CNTN3: variants seen among roughly 807,000 people sequenced by gnomAD.
The protein encoded by CNTN3 is contactin-3.
In CNTN3, 60 loss-of-function variants were observed where a neutral mutation model predicts 119.1. The observed-to-expected ratio is 0.50, with a 90% CI of 0.41 to 0.62. CNTN3 has a LOEUF of 0.62. CNTN3 is among the 20% of genes least tolerant of loss of function. The pLI is 0.00. For synonymous variants in CNTN3, 450 were observed against 438.7 expected, an observed-to-expected ratio of 1.03 and a Z score of -0.32; for missense variants, 1,101 against 1,242.4, an observed-to-expected ratio of 0.89 and a Z score of 1.71.
intron 5 of CNTN3, among the ~76,000 whole-genome samples, chr3:74,401,770 T>G (rs954534944): frequency 2.6e-5 from 4 of 152,170 alleles, no homozygotes; most frequent in African/African-American, 9.6e-5. Flanking sequence ...TTTTGATAAC[T>G]GCTCCCCAGT....
intron 13 of CNTN3, among the ~76,000 whole-genome samples, chr3:74,315,769 T>A (rs1480682486): frequency 6.6e-6 from 1 of 152,148 alleles, no homozygotes; most frequent in East Asian, 1.9e-4. Flanking sequence ...TGCAGAAGAA[T>A]GAAGCTGGAC....
chr3:74,327,883 T>C (rs1703169137), intron 13 of CNTN3, among the ~76,000 whole-genome samples: 1 of 151,796 alleles, frequency 6.6e-6, no homozygotes, highest in Non-Finnish European at 1.5e-5. Flanking sequence ...GAATCTTTTG[T>C]GTTTTTACAT....
In CNTN3 at chr3:74,510,284, G is replaced by A. The variant is rs771303039; in HGVS notation, c.56-10499C>T. On this transcript the variant is annotated intron_variant, in intron 2 of 22. Transcript: ENST00000263665. Reference sequence around the variant, plus strand: ...TTATATAAAAATATGAACATATAACGGAAGCGAATTCAGTGAATGTGTCTA... The same window carrying A: ...TTATATAAAAATATGAACATATAACAGAAGCGAATTCAGTGAATGTGTCTA... Among the ~76,000 whole-genome samples, 36 of 151,922 alleles carry A rather than the reference G, an allele frequency of 2.4e-4. 1 individual carries two copies. The highest frequency in any genetic ancestry group is 3.8e-4 in the Non-Finnish European group (26 of 67,988).
intron 4 of CNTN3, among the ~76,000 whole-genome samples, chr3:74,457,971 A>G (rs1470818288): frequency 6.6e-6 from 1 of 152,016 alleles, no homozygotes; most frequent in African/African-American, 2.4e-5. Context: ...CCCTGGCTTG[A>G]CCATACAATT....
intron 1 of CNTN3, among the ~76,000 whole-genome samples, chr3:74,607,224 T>A (rs1232323839): frequency 2.6e-5 from 4 of 152,136 alleles, no homozygotes; most frequent in African/African-American, 9.7e-5. Context: ...ATTCCAGAGC[T>A]TTCAGAATAT....
rs752936529 is a variant in CNTN3 at position 74,371,363 on chromosome 3, G to A, written c.491C>T (p.Ser164Leu). ...TCTCCGACTATCTTCTTCAACAAAC[G>A]ATGGGTATTCATTGAAGATCCAAGC... ...SYAWIFNEYP[S>L]FVEEDSRRFV... Residue 164 changes from serine to leucine, a missense_variant, in exon 6 of 23, where the codon TCG becomes TTG. Physicochemically the swap from Ser to Leu is moderately radical, Grantham distance 145. Transcript: ENST00000263665. 8 of 1,613,132 alleles carry A rather than the reference G, an allele frequency of 5.0e-6. No individual in the cohort carries two copies. Among genetic ancestry groups the A allele is most frequent in the African/African-American group, 1.3e-5 (1 of 74,854 alleles).
chr3:74,453,234 T>G (rs1166393708), intron 4 of CNTN3, among the ~76,000 whole-genome samples: 1 of 115,816 alleles, frequency 8.6e-6, no homozygotes, highest in Non-Finnish European at 2.0e-5. Flanking sequence ...TTCTTCCTGG[T>G]TTAGTCTTGG....
intron 8 of CNTN3, among the ~76,000 whole-genome samples, chr3:74,367,698 C>T (rs1575664612): frequency 6.6e-6 from 1 of 151,780 alleles, no homozygotes; most frequent in Non-Finnish European, 1.5e-5. Context: ...GAAACTGGGT[C>T]GTGGCCTGAT....
intron 1 of CNTN3, among the ~76,000 whole-genome samples, chr3:74,539,440 C>A (rs971396077): frequency 7.1e-4 from 108 of 152,034 alleles, no homozygotes; most frequent in Non-Finnish European, 7.1e-4. Flanking sequence ...GAAACTAAGG[C>A]TTAGGGCAAT....
intron 17 of CNTN3, among the ~76,000 whole-genome samples, chr3:74,298,770 G>A (rs955372616): frequency 1.3e-4 from 20 of 151,536 alleles, no homozygotes; most frequent in South Asian, 2.1e-4. Flanking sequence ...GGTGGCATGC[G>A]CCTGTAGTCC....
intron 13 of CNTN3, among the ~76,000 whole-genome samples, chr3:74,316,413 T>C (rs77793109): frequency 0.011 from 1,653 of 152,282 alleles, 14 homozygotes; most frequent in Middle Eastern, 0.02. Flanking sequence ...ACAGGCATTG[T>C]GAAAAGCATT....
At chr3:74,539,713 C>G (rs1703814925) in intron 1 of CNTN3, among the ~76,000 whole-genome samples, 1 of 152,228 alleles carries the variant, frequency 6.6e-6, no homozygotes, top group South Asian at 2.1e-4. Context: ...TTTGAGCTTA[C>G]TGACACATAC....
chr3:74,610,539 G>C (rs1705064062), intron 1 of CNTN3, among the ~76,000 whole-genome samples: 1 of 152,116 alleles, frequency 6.6e-6, no homozygotes. Flanking sequence ...AGGGACAGTA[G>C]TGTTTAAATC....
intron 1 of CNTN3, among the ~76,000 whole-genome samples, chr3:74,531,780 A>G (rs915055626): frequency 3.3e-5 from 5 of 151,942 alleles, no homozygotes; most frequent in African/African-American, 7.2e-5. Flanking sequence ...TCAGTTCTGC[A>G]AGAGAGTGAC....
Position 74,264,428 on chromosome 3 carries a change from C to T in CNTN3, c.3060G>A (p.Leu1020=). The T allele has an allele frequency of 6.2e-7, 1 of 1,603,696 alleles. No individual in the cohort carries two copies. The highest frequency in any genetic ancestry group is 8.5e-7 in the Non-Finnish European group (1 of 1,173,440). Residue 1020 remains leucine (L), a synonymous_variant, in exon 23 of 23, where the codon CTG becomes CTA. Transcript: ENST00000263665. ...ACCACAGGACATATACAATTAAGAA[C>T]AGTACTATAGGCATATAACTTGACA... is the stretch of plus-strand genomic sequence containing the variant. ...HPMSSYMPIV[L]FLIVYVLW is the part of the protein sequence containing the mutation.
At chr3:74,358,608 T>G (rs1422386880) in intron 11 of CNTN3, among the ~76,000 whole-genome samples, 1 of 150,260 alleles carries the variant, frequency 6.7e-6, no homozygotes, top group African/African-American at 2.5e-5. Flanking sequence ...TTTATTTATT[T>G]ATTTATTTAT....
intron 5 of CNTN3, among the ~76,000 whole-genome samples, chr3:74,411,075 A>G (rs1408695263): frequency 1.3e-5 from 2 of 151,354 alleles, no homozygotes; most frequent in Non-Finnish European, 3.0e-5. Flanking sequence ...TCCTCCATCC[A>G]TCCCTTTCTT....
chr3:74,381,744 C>T (rs1704629550), intron 5 of CNTN3, among the ~76,000 whole-genome samples: 1 of 151,920 alleles, frequency 6.6e-6, no homozygotes, highest in Non-Finnish European at 1.5e-5. Flanking sequence ...TCTTTCAAAG[C>T]CTGAAAAAAT....
intron 1 of CNTN3, among the ~76,000 whole-genome samples, chr3:74,568,137 A>G (rs182709868): frequency 5.3e-5 from 8 of 149,534 alleles, no homozygotes; most frequent in Admixed American, 2.0e-4. Context: ...TCTCACGCCT[A>G]TGATAACTTA....
Sources: gnomAD v4.1 joint callset for allele counts (sites outside exome capture counted in the v4.1 genomes callset) on GRCh38, gnomAD v4.1.1 for gene constraint, MANE v1.5 for transcripts, NCBI Gene and HGNC (gene_info 2026-07-23, HGNC 2026-07-21) for gene names.